The following CSGALNACT1 variants were observed in gnomAD, a reference collection of about 807,000 sequenced individuals.
CSGALNACT1 encodes beta4GalNAcT-1.
In CSGALNACT1, 52 loss-of-function variants were observed where a neutral mutation model predicts 51.0. That is an observed-to-expected ratio of 1.02 (90% CI 0.82 to 1.29). The LOEUF is 1.29. Among genes scored for constraint, CSGALNACT1 ranks in the 50% most tolerant of loss-of-function variants. The pLI is 0.00. For missense variants in CSGALNACT1, 935 were observed against 679.2 expected, an observed-to-expected ratio of 1.38 and a Z score of -4.19; for synonymous variants, 341 against 254.4, an observed-to-expected ratio of 1.34 and a Z score of -3.24.
rs1035314122 is a variant in CSGALNACT1 at position 19,585,547 on chromosome 8, A to G, written c.-297+5613T>C. Among the ~76,000 whole-genome samples the G allele has an allele frequency of 2.0e-5, 3 of 152,178 alleles. No individual in the cohort carries two copies. In the East Asian group the frequency reaches 5.8e-4, roughly 29 times the overall value. On this transcript the variant is annotated intron_variant, in intron 3 of 9. Coordinates refer to ENST00000454498, the Ensembl canonical transcript of CSGALNACT1. ...GTTGTCATTTGAGCTCTTTCTTGGA[A>G]AACAACCATCAGAGAAGCCTGTGGC...
exon 10 of CSGALNACT1, chr8:19,405,908 T>G: frequency 2.5e-6 from 4 of 1,614,174 alleles, no homozygotes; most frequent in Non-Finnish European, 3.4e-6. Context: ...ATGCACATCT[T>G]GTACTGCTCG....
chr8:19,724,375 G>A (rs1040735373), intron 1 of CSGALNACT1, among the ~76,000 whole-genome samples: 1 of 152,170 alleles, frequency 6.6e-6, no homozygotes, highest in Non-Finnish European at 1.5e-5. Context: ...CTTTTCCAGA[G>A]GCTGTGGTTG....
chr8:19,649,480 A>T (rs185365714), intron 1 of CSGALNACT1, among the ~76,000 whole-genome samples: 1 of 152,236 alleles, frequency 6.6e-6, no homozygotes, highest in Admixed American at 6.5e-5. Flanking sequence ...GACAACATGA[A>T]TGCTGCTGTA....
chr8:19,585,157 T>C (rs1046583786), intron 3 of CSGALNACT1: 33 of 152,258 alleles, frequency 2.2e-4, no homozygotes, highest in African/African-American at 5.8e-4. Flanking sequence ...CTCACAGTGC[T>C]TGGCTCACCT....
At chr8:19,426,645 T>A (rs2058819700) in intron 6 of CSGALNACT1, among the ~76,000 whole-genome samples, 1 of 152,210 alleles carries the variant, frequency 6.6e-6, no homozygotes, top group Non-Finnish European at 1.5e-5. Context: ...ACAAAACTCT[T>A]CCATTTCCCA....
chr8:19,408,831 G>T, intron 8 of CSGALNACT1, 137 bp from the exon 8 acceptor site: 1 of 763,334 alleles, frequency 1.3e-6, no homozygotes, highest in Non-Finnish European at 2.3e-6. Context: ...TGCAGGAAAC[G>T]CAGATGGATT....
intron 3 of CSGALNACT1, among the ~76,000 whole-genome samples, chr8:19,542,342 C>T (rs1328652714): frequency 6.6e-6 from 1 of 152,036 alleles, no homozygotes; most frequent in Non-Finnish European, 1.5e-5. Flanking sequence ...TCACTTAAGC[C>T]ATAATAAGAA....
chr8:19,665,803 T>A (rs2059133212), intron 1 of CSGALNACT1, among the ~76,000 whole-genome samples: 1 of 152,226 alleles, frequency 6.6e-6, no homozygotes, highest in Admixed American at 6.5e-5. Context: ...GGATAATGAA[T>A]AACTAAAAAT....
intron 8 of CSGALNACT1, among the ~76,000 whole-genome samples, chr8:19,415,855 A>C (rs2056758920): frequency 6.6e-6 from 1 of 152,218 alleles, no homozygotes; most frequent in African/African-American, 2.4e-5. Context: ...GGAAGCGAGA[A>C]GTTTCTCTGT....
intron 1 of CSGALNACT1, among the ~76,000 whole-genome samples, chr8:19,652,872 C>G (rs371397801): frequency 8.5e-5 from 13 of 152,284 alleles, no homozygotes; most frequent in Admixed American, 3.9e-4. Flanking sequence ...CCTCGGTTTA[C>G]CAGATGAGCC....
At chr8:19,751,571 A>T (rs937531320) in intron 1 of CSGALNACT1, among the ~76,000 whole-genome samples, 4 of 152,204 alleles carry the variant, frequency 2.6e-5, no homozygotes, top group African/African-American at 9.7e-5. Context: ...TGATAATATT[A>T]ATAACAACCA....
At chr8:19,480,224 C>T (rs1438506086) in intron 4 of CSGALNACT1, among the ~76,000 whole-genome samples, 1 of 152,174 alleles carries the variant, frequency 6.6e-6, no homozygotes, top group African/African-American at 2.4e-5. Context: ...AGTATTAAGC[C>T]TAGTACCTAT....
chr8:19,612,550 T>A (rs1191956164), intron 1 of CSGALNACT1, among the ~76,000 whole-genome samples: 2 of 152,006 alleles, frequency 1.3e-5, no homozygotes, highest in African/African-American at 2.4e-5. Context: ...AACCAGTGAC[T>A]TCCCTGTTCT....
intron 1 of CSGALNACT1, among the ~76,000 whole-genome samples, chr8:19,690,432 A>AT (rs2061238918): frequency 6.6e-6 from 1 of 152,228 alleles, no homozygotes; most frequent in African/African-American, 2.4e-5. Flanking sequence ...AAGAAAAAAA[A>AT]ATGACAAAAG....
At chr8:19,704,000 T>A (rs1277495532) in intron 1 of CSGALNACT1, among the ~76,000 whole-genome samples, 2 of 152,198 alleles carry the variant, frequency 1.3e-5, no homozygotes, top group African/African-American at 4.8e-5. Context: ...TCTGATTTGC[T>A]CTTCCAGCCC....
intron 1 of CSGALNACT1, among the ~76,000 whole-genome samples, chr8:19,743,552 T>C (rs1346296918): frequency 6.6e-6 from 1 of 152,216 alleles, no homozygotes; most frequent in Non-Finnish European, 1.5e-5. Context: ...TGAATTAGAC[T>C]GCACAGAACA....
chr8:19,509,427 C>T (rs1014159623), intron 3 of CSGALNACT1, among the ~76,000 whole-genome samples: 20 of 151,700 alleles, frequency 1.3e-4, no homozygotes, highest in East Asian at 1.9e-4. Context: ...CAAGACCAGC[C>T]GGCCAACATG....
chr8:19,675,108 G>T (rs992711338), intron 1 of CSGALNACT1, among the ~76,000 whole-genome samples: 24 of 152,194 alleles, frequency 1.6e-4, no homozygotes, highest in Non-Finnish European at 3.5e-4. Flanking sequence ...AGGTAAATCT[G>T]AGAGTTGCCA....
rs35177349 is a variant in CSGALNACT1 at position 19,597,285 on chromosome 8, C to CTTTTTTTTTTTTTTTTTTTTTTTTTTTTT, written c.-416+4485_-416+4486insAAAAAAAAAAAAAAAAAAAAAAAAAAAAA. On this transcript the variant is annotated intron_variant, in intron 2 of 9. Coordinates refer to ENST00000454498, the Ensembl canonical transcript of CSGALNACT1. ...GGTTGGGGCTGCCTCTATCTTCTTT[C>CTTTTTTTTTTTTTTTTTTTTTTTTTTTTT]TTTTTTTTTTTTTTTTTTTTTTTTT... Among the ~76,000 whole-genome samples, 2 of 64,528 alleles carry CTTTTTTTTTTTTTTTTTTTTTTTTTTTTT rather than the reference C, an allele frequency of 3.1e-5. 1 individual carries two copies. The highest frequency in any genetic ancestry group is 1.4e-4 in the African/African-American group (2 of 14,384). 42.3% of individuals were successfully genotyped at this position (64,528 alleles called of 152,430 possible).
Sources: gnomAD v4.1 joint callset for allele counts (sites outside exome capture counted in the v4.1 genomes callset) on GRCh38, gnomAD v4.1.1 for gene constraint, MANE v1.5 for transcripts, NCBI Gene and HGNC (gene_info 2026-07-23, HGNC 2026-07-21) for gene names.